Variants in SGK3 observed in about 807,000 individuals in gnomAD.
SGK3 encodes serum/glucocorticoid regulated kinase family member 3.
Under a neutral mutation model 68.5 loss-of-function variants are expected in SGK3, and 47 were observed. The ratio of observed to expected loss-of-function variants is 0.69; its 90% CI spans 0.54 to 0.87. SGK3 has a LOEUF of 0.87. Ranked by LOEUF, SGK3 falls within the 40% of genes least tolerant of loss-of-function variation. SGK3 has a pLI of 0.00. For missense variants in SGK3, 479 were observed against 575.5 expected, an observed-to-expected ratio of 0.83 and a Z score of 1.72; for synonymous variants, 181 against 189.1, an observed-to-expected ratio of 0.96 and a Z score of 0.35.
At chr8:66,744,348 T>C (rs1023887749) in intron 1 of SGK3, among the ~76,000 whole-genome samples, 2 of 151,056 alleles carry the variant, frequency 1.3e-5, no homozygotes, top group Non-Finnish European at 2.9e-5. Flanking sequence ...TAATATCTTC[T>C]TTTTTATATA....
At chr8:66,757,619 A>G (rs879162218) in intron 1 of SGK3, among the ~76,000 whole-genome samples, 1 of 151,966 alleles carries the variant, frequency 6.6e-6, no homozygotes, top group African/African-American at 2.4e-5. Flanking sequence ...AAAAAAAATT[A>G]AATAAAAAAA....
intron 1 of SGK3, among the ~76,000 whole-genome samples, chr8:66,783,015 G>T (rs560575752): frequency 1.3e-5 from 2 of 152,320 alleles, no homozygotes; most frequent in East Asian, 3.9e-4. Context: ...CTTCTGGATT[G>T]TATAGTAAGA....
At chr8:66,842,685 A>G (rs1244668748) in intron 13 of SGK3, among the ~76,000 whole-genome samples, 1 of 152,186 alleles carries the variant, frequency 6.6e-6, no homozygotes, top group African/African-American at 2.4e-5. Context: ...TTTCTAAATA[A>G]TATGTTAGAG....
chr8:66,853,202 AAC>A lies in SGK3; in HGVS notation c.1320+2286_1320+2287del, dbSNP rs572148032. 1.4e-4 allele frequency among the ~76,000 whole-genome samples: 22 copies of A among 152,312 alleles called. No individual in the cohort carries two copies. The South Asian group carries it at 2.9e-3, about 20-fold the overall frequency. On this transcript the variant is annotated intron_variant, in intron 16 of 16. Transcript: ENST00000521198. ...TTAAATATTTATTGGTAACTTAGAA[AAC>A]ACAAGTAGAACATGGGCTCTGTCTT...
At chr8:66,847,058 C>T in intron 14 of SGK3, 135 bp from the exon 15 acceptor site, 1 of 1,245,880 alleles carries the variant, frequency 8.0e-7, no homozygotes, top group Non-Finnish European at 1.1e-6. Context: ...GGAAGCCACA[C>T]TGCAGGTGTC....
In SGK3 at chr8:66,827,386, CAAAAAAAA is replaced by C. The variant is rs757439616; in HGVS notation, c.418-1253_418-1246del. On this transcript the variant is annotated intron_variant, in intron 6 of 16. Coordinates refer to ENST00000521198, the MANE Select transcript of SGK3 (RefSeq NM_001033578.3). ...GGGCAACAAGAGTGAAACTCTATCTCAAAAAAAAAAAAAAAAAAAAAAGTATTGGTTCT... is the reference window on the plus strand; with the variant it reads ...GGGCAACAAGAGTGAAACTCTATCTCAAAAAAAAAAAAAAGTATTGGTTCT... Among the ~76,000 whole-genome samples the C allele has an allele frequency of 7.6e-3, 398 of 52,346 alleles. 4 individuals carry two copies. The highest frequency in any genetic ancestry group is 0.024 in the African/African-American group (388 of 16,260). The allele number at this position is 52,346 out of a possible 152,430, so 34.3% of individuals were successfully genotyped here. A position where few individuals can be genotyped will look rare whatever the true frequency, so the allele number is the denominator to read the frequency against.
chr8:66,798,719 A>T, intron 3 of SGK3, 94 bp downstream of exon 3: 2 of 1,022,510 alleles, frequency 2.0e-6, no homozygotes, highest in Non-Finnish European at 2.8e-6. Flanking sequence ...ATTGATACTC[A>T]TATGTTAATA....
intron 1 of SGK3, among the ~76,000 whole-genome samples, chr8:66,788,962 C>G (rs1807322658): frequency 6.6e-6 from 1 of 152,146 alleles, no homozygotes; most frequent in South Asian, 2.1e-4. Flanking sequence ...TATATTATGG[C>G]AATTCAGACA....
intron 1 of SGK3, among the ~76,000 whole-genome samples, chr8:66,736,039 T>C (rs913895351): frequency 6.6e-6 from 1 of 152,240 alleles, no homozygotes; most frequent in African/African-American, 2.4e-5. Flanking sequence ...TGACTCATTA[T>C]CTATTTTTAG....
At chr8:66,813,961 TTAAAAC>T in intron 5 of SGK3, 33 bp downstream of exon 5, 1 of 1,527,568 alleles carries the variant, frequency 6.5e-7, no homozygotes, top group Non-Finnish European at 8.8e-7. Context: ...TAAAGGGACA[TTAAAAC>T]TAAACCTAAG....
At chr8:66,781,725 G>A (rs1057498377) in intron 1 of SGK3, among the ~76,000 whole-genome samples, 3 of 152,190 alleles carry the variant, frequency 2.0e-5, no homozygotes, top group African/African-American at 4.8e-5. Context: ...TATTTTGCCT[G>A]TACTTTATTT....
chr8:66,850,799 A>C, intron 15 of SGK3, 32 bp from the exon 16 acceptor site: 1 of 1,564,644 alleles, frequency 6.4e-7, no homozygotes, highest in East Asian at 2.3e-5. Flanking sequence ...ATTCTTCGGC[A>C]TTAGTAAAAC....
intron 1 of SGK3, among the ~76,000 whole-genome samples, chr8:66,790,094 A>T (rs1439327814): frequency 1.3e-5 from 2 of 152,144 alleles, no homozygotes; most frequent in Non-Finnish European, 2.9e-5. Flanking sequence ...AAGAAAAAAA[A>T]TAGGTCACAA....
chr8:66,828,642 C>T lies in SGK3; in HGVS notation c.418-12C>T, dbSNP rs1302010399. On this transcript the variant is annotated splice_polypyrimidine_tract_variant and intron_variant, in intron 6 of 16. Transcript: ENST00000521198. ...CAATAAGAATGTTGTTTTTCTTTCC[C>T]CACCTTCACAGCTACACTCTACCTC... 1 of 1,613,340 alleles carries T rather than the reference C, an allele frequency of 6.2e-7. No homozygotes were observed. Among genetic ancestry groups the T allele is most frequent in the Non-Finnish European group, 8.5e-7 (1 of 1,179,720 alleles).
intron 4 of SGK3, among the ~76,000 whole-genome samples, chr8:66,806,301 A>T (rs1808160677): frequency 6.6e-6 from 1 of 151,130 alleles, no homozygotes. Flanking sequence ...GTCTTTTTTT[A>T]TTGGCGAACA....
chr8:66,725,552 C>T lies in SGK3; in HGVS notation c.-122+12719C>T, dbSNP rs894318731. 6.6e-4 allele frequency among the ~76,000 whole-genome samples: 100 copies of T among 151,650 alleles called. 1 individual carries two copies. The highest frequency in any genetic ancestry group is 2.7e-4 in the African/African-American group (11 of 41,204). On this transcript the variant is annotated intron_variant, in intron 1 of 16. Coordinates refer to ENST00000521198, the MANE Select transcript of SGK3 (RefSeq NM_001033578.3). ...TAAAATAATGTTTAAAATCATGTCC[C>T]GGAGTTTCCTGACTTAAAAAATAGA...
chr8:66,841,259 C>A, intron 13 of SGK3, 149 bp downstream of exon 13: 1 of 570,580 alleles, frequency 1.8e-6, no homozygotes, highest in Non-Finnish European at 2.8e-6. Flanking sequence ...GATAATCATG[C>A]CTTGATAGTT....
intron 2 of SGK3, among the ~76,000 whole-genome samples, chr8:66,796,517 C>T (rs1183974691): frequency 6.6e-6 from 1 of 150,812 alleles, no homozygotes; most frequent in Non-Finnish European, 1.5e-5. Flanking sequence ...AGGTTGGTCT[C>T]GAACTCCTGG....
intron 8 of SGK3, among the ~76,000 whole-genome samples, chr8:66,835,274 C>T (rs894334461): frequency 1.3e-5 from 2 of 152,202 alleles, no homozygotes; most frequent in African/African-American, 4.8e-5. Flanking sequence ...TTTAAAGCGT[C>T]TGCATGGGAC....
Sources: gnomAD v4.1 joint callset for allele counts (sites outside exome capture counted in the v4.1 genomes callset) on GRCh38, gnomAD v4.1.1 for gene constraint, MANE v1.5 for transcripts, NCBI Gene and HGNC (gene_info 2026-07-23, HGNC 2026-07-21) for gene names.